ASTN2: variants seen among roughly 807,000 people sequenced by gnomAD.
ASTN2 encodes the protein astrotactin-2.
ASTN2 carries 54 observed loss-of-function variants against 139.8 expected under a neutral mutation model. That is an observed-to-expected ratio of 0.39 (90% CI 0.31 to 0.48). The LOEUF (loss-of-function observed/expected upper bound fraction) is 0.48, where lower values mean the gene tolerates loss of function less well. Ranked by LOEUF, ASTN2 falls within the 20% of genes least tolerant of loss-of-function variation. The probability of loss-of-function intolerance (pLI) is 0.95; values close to 1 mark genes in which losing one functional copy is unlikely to be tolerated. For missense variants in ASTN2, 1,565 were observed against 1,725.1 expected (o/e 0.91, Z 1.64); for synonymous variants, 756 against 719.5 (o/e 1.05, Z -0.81).
chr9:116,917,112 G>T (rs951333277), intron 10 of ASTN2, among the ~76,000 whole-genome samples: 5 of 151,952 alleles, frequency 3.3e-5, no homozygotes, highest in Non-Finnish European at 5.9e-5. Context: ...TGTGCATGTT[G>T]TTCCTTCTGC....
intron 16 of ASTN2, among the ~76,000 whole-genome samples, chr9:116,675,534 ATTCAGGAGGATT>A (rs1859449854): frequency 6.6e-6 from 1 of 152,160 alleles, no homozygotes; most frequent in African/African-American, 2.4e-5. Flanking sequence ...GAGACTTCTC[ATTCAGGAGGATT>A]TCGAGGAGGA....
rs1210850820 is a variant in ASTN2, at chr9:117,016,671, TAC to T, written c.1424-8414_1424-8413del. Among the ~76,000 whole-genome samples, 144 of 132,780 alleles carry T rather than the reference TAC, an allele frequency of 1.1e-3. 4 individuals carry two copies. The highest frequency in any genetic ancestry group is 4.3e-3 in the African/African-American group (136 of 31,430). The allele number at this position is 132,780 out of a possible 152,430, so 87.1% of individuals were successfully genotyped here. ...ATATATATATAACCTATATATATGT[TAC>T]ATATATATAGGTTATATATATATGT... On this transcript the variant is annotated intron_variant, in intron 6 of 22. Coordinates refer to ENST00000313400, the MANE Select transcript of ASTN2 (RefSeq NM_001365068.1).
chr9:117,130,524 T>G (rs1291934875), intron 4 of ASTN2, among the ~76,000 whole-genome samples: 1 of 152,160 alleles, frequency 6.6e-6, no homozygotes, highest in Non-Finnish European at 1.5e-5. Context: ...GGCTTTGCAT[T>G]TCTTACAACT....
At chr9:116,665,764 A>T (rs1396491287) in intron 16 of ASTN2, among the ~76,000 whole-genome samples, 1 of 152,198 alleles carries the variant, frequency 6.6e-6, no homozygotes, top group Non-Finnish European at 1.5e-5. Flanking sequence ...GAACAAGGAA[A>T]ACAATAATAA....
At chr9:116,936,233 TCACC>T (rs1835078424) in intron 10 of ASTN2, among the ~76,000 whole-genome samples, 2 of 76,818 alleles carry the variant, frequency 2.6e-5, no homozygotes, top group African/African-American at 1.0e-4. Context: ...ACTACCACCA[TCACC>T]ACCACCACCA....
chr9:116,494,989 T>G (rs913628111), intron 19 of ASTN2, among the ~76,000 whole-genome samples: 1 of 152,194 alleles, frequency 6.6e-6, no homozygotes, highest in Non-Finnish European at 1.5e-5. Context: ...AGCCTGGATC[T>G]GCTCCTATTT....
At position 116,804,748 on chromosome 9, in the gene ASTN2, T is replaced by C. The variant is rs561071799; in HGVS notation, c.2396+884A>G. Among the ~76,000 whole-genome samples the C allele has an allele frequency of 6.1e-4, 93 of 152,290 alleles. 1 individual carries two copies. The South Asian group carries it at 0.013, about 21-fold the overall frequency. ...GACTTATTACTAGTTCTGACTTTTA[T>C]TGATATGACCTCAAATGATTAGGAG... is the stretch of plus-strand genomic sequence containing the variant. On this transcript the variant is annotated intron_variant, in intron 13 of 22. Transcript: ENST00000313400.
chr9:117,267,325 A>G (rs971792529), intron 2 of ASTN2, among the ~76,000 whole-genome samples: 7 of 152,176 alleles, frequency 4.6e-5, no homozygotes, highest in African/African-American at 1.7e-4. Flanking sequence ...GTAAAAGGGC[A>G]TCAGTGGAGA....
intron 19 of ASTN2, among the ~76,000 whole-genome samples, chr9:116,488,278 T>C (rs1849404559): frequency 6.6e-6 from 1 of 152,178 alleles, no homozygotes. Flanking sequence ...TAAAGAAAAC[T>C]AGAAAGAATA....
chr9:117,317,392 A>T (rs189838871), intron 1 of ASTN2, among the ~76,000 whole-genome samples: 32 of 152,238 alleles, frequency 2.1e-4, no homozygotes, highest in African/African-American at 7.0e-4. Flanking sequence ...TCTAGATATT[A>T]TTCTGTGCTG....
At chr9:117,236,841 C>T (rs948768004) in intron 2 of ASTN2, among the ~76,000 whole-genome samples, 2 of 152,146 alleles carry the variant, frequency 1.3e-5, no homozygotes, top group African/African-American at 4.8e-5. Context: ...TAATATATGT[C>T]AAGTCCTAGT....
chr9:117,052,526 G>A (rs375033551), intron 5 of ASTN2, among the ~76,000 whole-genome samples: 4 of 151,694 alleles, frequency 2.6e-5, no homozygotes, highest in East Asian at 1.9e-4. Context: ...AAATTTCATC[G>A]TCATCATCAT....
chr9:117,171,990 A>G (rs891869445), intron 3 of ASTN2, among the ~76,000 whole-genome samples: 4 of 152,204 alleles, frequency 2.6e-5, no homozygotes, highest in Admixed American at 6.5e-5. Flanking sequence ...ATGAATCTCA[A>G]ACATGATGTT....
chr9:117,011,473 C>T (rs1588478899), intron 6 of ASTN2, among the ~76,000 whole-genome samples: 1 of 152,202 alleles, frequency 6.6e-6, no homozygotes, highest in Admixed American at 6.5e-5. Context: ...AATATTTTAG[C>T]ACCTTGATCT....
In ASTN2 at chr9:116,733,334, C is replaced by T; in HGVS notation, c.2521+65G>A. 4 of 1,593,732 alleles carry T rather than the reference C, an allele frequency of 2.5e-6. No homozygotes were observed. In the African/African-American group the frequency reaches 4.0e-5, roughly 16 times the overall value. Reference sequence around the variant, plus strand: ...CTTGGATCTGCTGAAGACTGATATGCACTAGGTGTGGAGACTCGGTGTGTG... The same window carrying T: ...CTTGGATCTGCTGAAGACTGATATGTACTAGGTGTGGAGACTCGGTGTGTG... On this transcript the variant is annotated intron_variant, in intron 14 of 22. Transcript: ENST00000313400.
chr9:116,551,946 C>T (rs1343415102), intron 19 of ASTN2, among the ~76,000 whole-genome samples: 2 of 152,142 alleles, frequency 1.3e-5, no homozygotes, highest in African/African-American at 4.8e-5. Flanking sequence ...AAATTTGTAG[C>T]TCTATCCATA....
chr9:117,089,942 ATAGACT>A (rs749979783), intron 5 of ASTN2, among the ~76,000 whole-genome samples: 2 of 152,172 alleles, frequency 1.3e-5, no homozygotes, highest in Non-Finnish European at 1.5e-5. Flanking sequence ...TGGGCAACAA[ATAGACT>A]TAGACAGAAT....
chr9:116,838,317 T>G (rs2132296936), intron 11 of ASTN2, among the ~76,000 whole-genome samples: 2 of 151,618 alleles, frequency 1.3e-5, no homozygotes, highest in Middle Eastern at 6.8e-3. Flanking sequence ...TCCATGTTGG[T>G]CAGGCTGGTC....
At chr9:116,964,803 G>A (rs963292741) in intron 10 of ASTN2, among the ~76,000 whole-genome samples, 1 of 152,186 alleles carries the variant, frequency 6.6e-6, no homozygotes. Flanking sequence ...TTTATTTCAG[G>A]AAATGTATTG....
Sources: allele counts gnomAD v4.1 joint callset (sites outside exome capture counted in the v4.1 genomes callset), GRCh38; gene constraint gnomAD v4.1.1; transcripts MANE v1.5; gene names NCBI Gene and HGNC (gene_info 2026-07-23, HGNC 2026-07-21).